The following ADM2 variants were observed in gnomAD, a reference collection of about 807,000 sequenced individuals.
ADM2 encodes the protein protein ADM2.
A neutral mutation model predicts 7.1 loss-of-function variants in ADM2; 5 were observed. That is an observed-to-expected ratio of 0.71 (90% CI 0.37 to 1.49). ADM2 has a LOEUF of 1.49. ADM2 is among the 40% of genes most tolerant of loss of function. The pLI is 0.03. For synonymous variants in ADM2, 123 were observed against 92.8 expected (o/e 1.33, Z -1.87); for missense variants, 236 against 211.2 (o/e 1.12, Z -0.73).
Position 50,483,353 on chromosome 22 carries a change from G to A in ADM2, c.*450G>A, listed in dbSNP as rs754100884. ...CTGTTCCTGCTCTCATGCACAACCA[G>A]CCCTTCCACGTGCCTGCCTGTGGGA... On this transcript the variant is annotated 3_prime_UTR_variant, in exon 3 of 3. Coordinates refer to ENST00000395737, the MANE Select transcript of ADM2 (RefSeq NM_001253845.2). 1.3e-4 allele frequency: 55 copies of A among 439,436 alleles called. No homozygotes were observed. Among genetic ancestry groups the A allele is most frequent in the Non-Finnish European group, 8.0e-5 (17 of 213,622 alleles). 27.2% of individuals were successfully genotyped at this position (439,436 alleles called of 1,614,324 possible).
Position 50,482,905 on chromosome 22 carries a change from G to C in ADM2, c.*2G>C. Reference sequence around the variant, plus strand: ...AGCAGCCCCCACAGCTATGGCTGAGGTGGGGCCGGGCCACACCCCTGCCCA... The same window carrying C: ...AGCAGCCCCCACAGCTATGGCTGAGCTGGGGCCGGGCCACACCCCTGCCCA... On this transcript the variant is annotated 3_prime_UTR_variant, in exon 3 of 3. Transcript: ENST00000395737. 6.3e-7 allele frequency: 1 copy of C among 1,578,422 alleles called. No homozygotes were observed. Among genetic ancestry groups the C allele is most frequent in the African/African-American group, 1.3e-5 (1 of 74,452 alleles).
chr22:50,481,808 TG>T, intron 1 of ADM2, 28 bp from the exon 2 acceptor site: 1 of 1,408,626 alleles, frequency 7.1e-7, no homozygotes, highest in Non-Finnish European at 9.4e-7. Flanking sequence ...GCCCCCGACG[TG>T]CCCGGCTCAC....
chr22:50,482,954 C>T lies in ADM2; in HGVS notation c.*51C>T, dbSNP rs61732427. 2,687 of 1,542,000 alleles carry T rather than the reference C, an allele frequency of 1.7e-3. 45 individuals are homozygous for T. In the African/African-American group the frequency reaches 0.032, roughly 18 times the overall value. ...CATCCCAGCCAGGGTGCTGTGCCCC[C>T]GTCCAGAGCTGCAGCTGAGCCCCAT... is the stretch of plus-strand genomic sequence containing the variant. On this transcript the variant is annotated 3_prime_UTR_variant, in exon 3 of 3. Coordinates refer to ENST00000395737, the MANE Select transcript of ADM2 (RefSeq NM_001253845.2).
intron 2 of ADM2, 121 bp from the exon 3 acceptor site, chr22:50,482,446 G>C (rs2068207690): frequency 7.2e-7 from 1 of 1,389,128 alleles, no homozygotes; most frequent in Admixed American, 3.3e-5. Context: ...GGCTGTGTGT[G>C]GATGGGGGCT....
rs546959903 is a variant in ADM2 at position 50,482,850 on chromosome 22, G to A, written c.394G>A (p.Gly132Ser). The A allele has an allele frequency of 2.1e-5, 33 of 1,607,002 alleles. 1 individual carries two copies. The Admixed American group carries it at 3.2e-4, about 15-fold the overall frequency. Residue 132 changes from glycine to serine, a missense_variant, in exon 3 of 3, where the codon GGC becomes AGC. By Grantham distance (56) the Gly-to-Ser change is moderately conservative (BLOSUM62 0). Transcript: ENST00000395737. The part of the protein sequence containing the change: ...HRLWQLMGPA[G>S]RQDSAPVDPS... ...CCTGTGGCAACTCATGGGACCGGCC[G>A]GCCGGCAGGACTCAGCTCCTGTGGA... is the stretch of plus-strand genomic sequence containing the variant.
At position 50,483,225 on chromosome 22, in the gene ADM2, C is replaced by T. The variant is rs770770624; in HGVS notation, c.*322C>T. The T allele has an allele frequency of 1.7e-6, 1 of 573,910 alleles. No individual in the cohort carries two copies. Among genetic ancestry groups the T allele is most frequent in the Middle Eastern group, 2.7e-4 (1 of 3,750 alleles). 35.6% of individuals were successfully genotyped at this position (573,910 alleles called of 1,614,324 possible). A position where few individuals can be genotyped will look rare whatever the true frequency, so the allele number is the denominator to read the frequency against. ...TGGAGCAGAAGCTGGGCCCTGAACA[C>T]ACGGGGCCATGTCTGGACGAGCAGG... On this transcript the variant is annotated 3_prime_UTR_variant, in exon 3 of 3. Coordinates refer to ENST00000395737, the MANE Select transcript of ADM2 (RefSeq NM_001253845.2).
In ADM2 at chr22:50,481,642, G is replaced by C. The variant is rs573670699; in HGVS notation, c.-133G>C. On this transcript the variant is annotated 5_prime_UTR_variant, in exon 1 of 3. Coordinates refer to ENST00000395737, the MANE Select transcript of ADM2 (RefSeq NM_001253845.2). ...CCCAGCCCGCTCCGCCTTGCGCCCC[G>C]GACCCGCGGCCGACCCCAGACCCGC... is the stretch of plus-strand genomic sequence containing the variant. 1 of 225,452 alleles carries C rather than the reference G, an allele frequency of 4.4e-6. No homozygotes were observed. The highest frequency in any genetic ancestry group is 1.8e-4 in the South Asian group (1 of 5,694). 14.0% of individuals were successfully genotyped at this position (225,452 alleles called of 1,614,324 possible).
Position 50,483,286 on chromosome 22 carries a change from G to A in ADM2, c.*383G>A, listed in dbSNP as rs561123799. On this transcript the variant is annotated 3_prime_UTR_variant, in exon 3 of 3. Coordinates refer to ENST00000395737, the MANE Select transcript of ADM2 (RefSeq NM_001253845.2). ...TGAACTGGCCAGAAGTGGCCCCTCC[G>A]CTGCTGGTCCAGTCAGACTGAAGCC... 2.9e-5 allele frequency: 14 copies of A among 484,668 alleles called. No individual in the cohort carries two copies. The highest frequency in any genetic ancestry group is 6.9e-5 in the Admixed American group (3 of 43,332). 30.0% of individuals were successfully genotyped at this position (484,668 alleles called of 1,614,324 possible).
intron 2 of ADM2, 45 bp from the exon 3 acceptor site, chr22:50,482,522 A>G (rs2148631111): frequency 2.1e-6 from 3 of 1,443,970 alleles, no homozygotes; most frequent in Non-Finnish European, 2.7e-6. Context: ...TGAGTTCTCC[A>G]AAAGGCTGAG....
At position 50,482,581 on chromosome 22, in the gene ADM2, G is replaced by A. The variant is rs947662027; in HGVS notation, c.125G>A (p.Arg42Gln). ...TGCCTCTGCAGGGAGCCCCCAGCCC[G>A]GAGCCCTTCCAGCAGCCTGCAGCCC... ...RPVKPREPPARSPSSSLQPRH... is the reference protein window; with the variant it reads ...RPVKPREPPAQSPSSSLQPRH... Residue 42 changes from arginine to glutamine, a missense_variant, in exon 3 of 3, where the codon CGG (arginine) becomes CAG (glutamine). Arg to Gln is a conservative substitution (Grantham distance 43). Transcript: ENST00000395737. The A allele has an allele frequency of 1.4e-5, 20 of 1,464,588 alleles. No homozygotes were observed. The highest frequency in any genetic ancestry group is 2.5e-5 in the East Asian group (1 of 40,604). The allele number at this position is 1,464,588 out of a possible 1,614,324, so 90.7% of individuals were successfully genotyped here. A position where few individuals can be genotyped will look rare whatever the true frequency, so the allele number is the denominator to read the frequency against.
rs2068211128 is a variant in ADM2, at chr22:50,482,681, C to T, written c.225C>T (p.Ala75=). ...ALQAQRGAGL[A]PVMGQPLRDG... Reference sequence around the variant, plus strand: ...AGGCACAGAGGGGTGCCGGCCTGGCCCCTGTTATGGGTCAGCCTCTCCGGG... The same window carrying T: ...AGGCACAGAGGGGTGCCGGCCTGGCTCCTGTTATGGGTCAGCCTCTCCGGG... The change falls in exon 3 of 3, where the codon GCC becomes GCT. Residue 75 remains alanine (A), a synonymous_variant. Transcript: ENST00000395737. 1 of 1,597,558 alleles carries T rather than the reference C, an allele frequency of 6.3e-7. No individual in the cohort carries two copies. Among genetic ancestry groups the T allele is most frequent in the East Asian group, 2.2e-5 (1 of 44,460 alleles).
At chr22:50,482,016 G>T in intron 2 of ADM2, 59 bp downstream of exon 2, 1 of 1,441,596 alleles carries the variant, frequency 6.9e-7, no homozygotes, top group Non-Finnish European at 9.3e-7. Context: ...GCAGAGTGCC[G>T]GGGGCCGCGG....
chr22:50,482,228 G>C (rs1419347409), intron 2 of ADM2, among the ~76,000 whole-genome samples: 5 of 152,194 alleles, frequency 3.3e-5, no homozygotes, highest in Non-Finnish European at 7.4e-5. Context: ...GGAGGCTGGC[G>C]GTATCCCTGG....
In ADM2 at chr22:50,483,472, A is replaced by C; in HGVS notation, c.*569A>C. On this transcript the variant is annotated 3_prime_UTR_variant, in exon 3 of 3. Transcript: ENST00000395737. ...GTCATGAAGGGACCTCTGTGGCTCC[A>C]GCTGCCAACCCTGGAGCCCAGACCG... 1 of 352,970 alleles carries C rather than the reference A, an allele frequency of 2.8e-6. No individual in the cohort carries two copies. Among genetic ancestry groups the C allele is most frequent in the South Asian group, 2.1e-5 (1 of 48,388 alleles). 21.9% of individuals were successfully genotyped at this position (352,970 alleles called of 1,614,324 possible).
At position 50,483,348 on chromosome 22, in the gene ADM2, A is replaced by G; in HGVS notation, c.*445A>G. ...CTGGGCTGTTCCTGCTCTCATGCAC[A>G]ACCAGCCCTTCCACGTGCCTGCCTG... On this transcript the variant is annotated 3_prime_UTR_variant, in exon 3 of 3. Transcript: ENST00000395737. 2.3e-6 allele frequency: 1 copy of G among 441,954 alleles called. No homozygotes were observed. The highest frequency in any genetic ancestry group is 4.6e-6 in the Non-Finnish European group (1 of 215,114). The allele number at this position is 441,954 out of a possible 1,614,324, so 27.4% of individuals were successfully genotyped here. A position where few individuals can be genotyped will look rare whatever the true frequency, so the allele number is the denominator to read the frequency against.
In ADM2 at chr22:50,483,382, G is replaced by A; in HGVS notation, c.*479G>A. 1.9e-5 allele frequency: 8 copies of A among 423,142 alleles called. No individual in the cohort carries two copies. Among genetic ancestry groups the A allele is most frequent in the South Asian group, 1.3e-4 (8 of 61,388 alleles). The allele number at this position is 423,142 out of a possible 1,614,324, so 26.2% of individuals were successfully genotyped here. A position where few individuals can be genotyped will look rare whatever the true frequency, so the allele number is the denominator to read the frequency against. On this transcript the variant is annotated 3_prime_UTR_variant, in exon 3 of 3. Coordinates refer to ENST00000395737, the MANE Select transcript of ADM2 (RefSeq NM_001253845.2). Reference sequence around the variant, plus strand: ...TTCCACGTGCCTGCCTGTGGGACAGGAGGGGGAGCGTGGGATGCTGTAGCC... The same window carrying A: ...TTCCACGTGCCTGCCTGTGGGACAGAAGGGGGAGCGTGGGATGCTGTAGCC...
Position 50,483,054 on chromosome 22 carries a change from A to ACCTAG in ADM2, c.*152_*156dup. Reference sequence around the variant, plus strand: ...TACCTGCACGGCTTTGCACACGTAAACCTAGGCTGGTCTACACGCAGTGCT... The same window carrying ACCTAG: ...TACCTGCACGGCTTTGCACACGTAAACCTAGCCTAGGCTGGTCTACACGCAGTGCT... On this transcript the variant is annotated 3_prime_UTR_variant, in exon 3 of 3. Coordinates refer to ENST00000395737, the MANE Select transcript of ADM2 (RefSeq NM_001253845.2). The ACCTAG allele has an allele frequency of 7.6e-7, 1 of 1,318,256 alleles. No individual in the cohort carries two copies. Among genetic ancestry groups the ACCTAG allele is most frequent in the Non-Finnish European group, 1.1e-6 (1 of 948,966 alleles). 81.7% of individuals were successfully genotyped at this position (1,318,256 alleles called of 1,614,324 possible).
intron 2 of ADM2, 64 bp from the exon 3 acceptor site, chr22:50,482,503 G>A: frequency 7.0e-7 from 1 of 1,436,334 alleles, no homozygotes; most frequent in South Asian, 1.5e-5. Flanking sequence ...AGGCAAAAGT[G>A]GGCAGGTGTG....
chr22:50,481,717 C>T lies in ADM2; in HGVS notation c.-58C>T. Reference sequence around the variant, plus strand: ...CGCCCCGACGGACGCCCGTGCCCAGCTTGCCACGCCCACGCCCGGCGCCCC... The same window carrying T: ...CGCCCCGACGGACGCCCGTGCCCAGTTTGCCACGCCCACGCCCGGCGCCCC... On this transcript the variant is annotated 5_prime_UTR_variant, in exon 1 of 3. Transcript: ENST00000395737. The T allele has an allele frequency of 2.0e-6, 1 of 494,800 alleles. No homozygotes were observed. The highest frequency in any genetic ancestry group is 3.3e-6 in the Non-Finnish European group (1 of 306,642). 30.7% of individuals were successfully genotyped at this position (494,800 alleles called of 1,614,324 possible).
Sources: allele counts gnomAD v4.1 joint callset (sites outside exome capture counted in the v4.1 genomes callset), GRCh38; gene constraint gnomAD v4.1.1; transcripts MANE v1.5; gene names NCBI Gene and HGNC (gene_info 2026-07-23, HGNC 2026-07-21).